The following PCDHGA9 variants were observed in gnomAD, a reference collection of about 807,000 sequenced individuals.
PCDHGA9 encodes the protein protocadherin gamma-A9.
A neutral mutation model predicts 62.5 loss-of-function variants in PCDHGA9; 37 were observed. The ratio of observed to expected loss-of-function variants is 0.59; its 90% confidence interval spans 0.46 to 0.78. The LOEUF is 0.78. PCDHGA9 is among the 30% of genes least tolerant of loss of function. The pLI, the probability that PCDHGA9 is intolerant of heterozygous loss-of-function variation, is 0.00. For synonymous variants in PCDHGA9, 459 were observed against 484.6 expected (o/e 0.95, Z 0.69); for missense variants, 1,138 against 1,166.2 (o/e 0.98, Z 0.35).
rs1049654933 is a variant in PCDHGA9 at position 141,497,808 on chromosome 5, A to G, written c.2483+2943A>G. 2.6e-5 allele frequency among the ~76,000 whole-genome samples: 4 copies of G among 152,282 alleles called. No homozygotes were observed. The East Asian group carries it at 7.7e-4, about 29-fold the overall frequency. Reference sequence around the variant, plus strand: ...ACCTGCTTCAGCTTCCCAAAGTGCTAGAATTACAGGTGTGATCGCCCCCGG... The same window carrying G: ...ACCTGCTTCAGCTTCCCAAAGTGCTGGAATTACAGGTGTGATCGCCCCCGG... On this transcript the variant is annotated intron_variant, in intron 2 of 3. Coordinates refer to ENST00000573521, the MANE Select transcript of PCDHGA9 (RefSeq NM_018921.3).
intron 1 of PCDHGA9, chr5:141,413,463 G>A: frequency 6.2e-7 from 1 of 1,614,128 alleles, no homozygotes; most frequent in African/African-American, 1.3e-5. Flanking sequence ...GGATAGACCG[G>A]GAGGAGCTCT....
In PCDHGA9 at chr5:141,408,733, T is replaced by C. The variant is rs753545231; in HGVS notation, c.2424+3357T>C. The C allele has an allele frequency of 7.5e-6, 12 of 1,610,158 alleles. No individual in the cohort carries two copies. The South Asian group carries it at 1.3e-4, about 18-fold the overall frequency. Reference sequence around the variant, plus strand: ...ATTATAAGATAAACTCTAATCCTTATTTTTCATTAATGGTTAGAGTTAATT... The same window carrying C: ...ATTATAAGATAAACTCTAATCCTTACTTTTCATTAATGGTTAGAGTTAATT... On this transcript the variant is annotated intron_variant, in intron 1 of 3. Transcript: ENST00000573521.
At chr5:141,421,169 T>G in intron 1 of PCDHGA9, 2 of 1,340,600 alleles carry the variant, frequency 1.5e-6, no homozygotes, top group South Asian at 1.5e-5. Flanking sequence ...CATAGATACA[T>G]AAGCCGATTC....
chr5:141,443,781 CA>C (rs1227271563), intron 1 of PCDHGA9, among the ~76,000 whole-genome samples: 2 of 150,514 alleles, frequency 1.3e-5, no homozygotes, highest in African/African-American at 2.4e-5. Flanking sequence ...ACCAAAAAGA[CA>C]AAAAAAATGA....
At chr5:141,478,785 A>C in intron 1 of PCDHGA9, 1 of 1,482,486 alleles carries the variant, frequency 6.7e-7, no homozygotes, top group Non-Finnish European at 9.0e-7. Flanking sequence ...GACCTAATTC[A>C]CATCCTCAGC....
At position 141,487,688 on chromosome 5, in the gene PCDHGA9, G is replaced by A. The variant is rs376927186; in HGVS notation, c.2425-7119G>A. On this transcript the variant is annotated intron_variant, in intron 1 of 3. Coordinates refer to ENST00000573521, the MANE Select transcript of PCDHGA9 (RefSeq NM_018921.3). The surrounding 1 kb of genome is among the most constrained non-coding windows in gnomAD (Gnocchi z 5.0). ...AGGCATATGGCTAGGCCATGTCCTA[G>A]AGAGTACTGGCCTCTCAGTAAGTGC... 6.2e-7 allele frequency: 1 copy of A among 1,604,966 alleles called. No homozygotes were observed.
In PCDHGA9 at chr5:141,485,178, T is replaced by A; in HGVS notation, c.2425-9629T>A. The stretch of plus-strand genomic sequence containing the variant: ...GAGAATTAGCGGGCGGCAGCAATGC[T>A]CCGCAAGGTGAGAAGCTGGACAGAA... On this transcript the variant is annotated intron_variant, in intron 1 of 3. Transcript: ENST00000573521. This position sits in a 1 kb window ranked among gnomAD's most constrained non-coding sequence, Gnocchi z 5.7. 1.2e-6 allele frequency: 2 copies of A among 1,612,400 alleles called. No homozygotes were observed. Among genetic ancestry groups the A allele is most frequent in the Non-Finnish European group, 1.7e-6 (2 of 1,178,628 alleles).
intron 1 of PCDHGA9, among the ~76,000 whole-genome samples, chr5:141,456,778 C>T (rs568292085): frequency 3.7e-4 from 57 of 152,242 alleles, no homozygotes; most frequent in African/African-American, 1.3e-3. Flanking sequence ...GCCTGGCCTA[C>T]ATGGCAAAAC....
At chr5:141,461,740 G>A (rs770518286) in intron 1 of PCDHGA9, among the ~76,000 whole-genome samples, 4 of 152,072 alleles carry the variant, frequency 2.6e-5, no homozygotes, top group Non-Finnish European at 2.9e-5. Context: ...GCACAATCCC[G>A]GCTCCCAGAT....
At chr5:141,484,908 G>T in intron 1 of PCDHGA9, 1 of 415,428 alleles carries the variant, frequency 2.4e-6, no homozygotes, top group East Asian at 4.2e-5. Context: ...ATGCTGCGAC[G>T]CATTAACCCT....
intron 3 of PCDHGA9, among the ~76,000 whole-genome samples, chr5:141,509,338 C>T (rs2099876319): frequency 6.6e-6 from 1 of 152,188 alleles, no homozygotes; most frequent in Admixed American, 6.5e-5. Flanking sequence ...CCAGCTGGGC[C>T]TGGGCTGGCC....
chr5:141,486,452 G>T lies in PCDHGA9; in HGVS notation c.2425-8355G>T. 6.2e-7 allele frequency: 1 copy of T among 1,614,152 alleles called. No homozygotes were observed. Among genetic ancestry groups the T allele is most frequent in the Non-Finnish European group, 8.5e-7 (1 of 1,179,996 alleles). Reference sequence around the variant, plus strand: ...ATCTAGCTATGACATCATGGTCACTGCTTCTGATGCTGGGAACCCTCCTCT... The same window carrying T: ...ATCTAGCTATGACATCATGGTCACTTCTTCTGATGCTGGGAACCCTCCTCT... On this transcript the variant is annotated intron_variant, in intron 1 of 3. Coordinates refer to ENST00000573521, the MANE Select transcript of PCDHGA9 (RefSeq NM_018921.3). This position sits in a 1 kb window ranked among gnomAD's most constrained non-coding sequence, Gnocchi z 5.0.
chr5:141,510,472 G>A (rs1209464436), intron 3 of PCDHGA9, among the ~76,000 whole-genome samples: 7 of 152,102 alleles, frequency 4.6e-5, no homozygotes, highest in Non-Finnish European at 1.0e-4. Context: ...GGAGTCAGAG[G>A]CTCCCTTGAG....
rs752088903 is a variant in PCDHGA9, at chr5:141,490,784, G to A, written c.2425-4023G>A. The A allele has an allele frequency of 1.7e-5, 27 of 1,613,906 alleles. No individual in the cohort carries two copies. The highest frequency in any genetic ancestry group is 1.2e-4 in the African/African-American group (9 of 74,922). The stretch of plus-strand genomic sequence containing the variant: ...GTGTATGTCAACCCAGAGGATGGAC[G>A]GATCTTTGCCCAGCGTACCTTTGAC... On this transcript the variant is annotated intron_variant, in intron 1 of 3. Transcript: ENST00000573521. This position sits in a 1 kb window ranked among gnomAD's most constrained non-coding sequence, Gnocchi z 5.4.
chr5:141,438,254 A>G (rs916664408), intron 1 of PCDHGA9, among the ~76,000 whole-genome samples: 1 of 152,170 alleles, frequency 6.6e-6, no homozygotes, highest in Non-Finnish European at 1.5e-5. Context: ...CTGTCATTGA[A>G]GAGACCATAG....
At chr5:141,418,393 C>A in intron 1 of PCDHGA9, 1 of 1,613,984 alleles carries the variant, frequency 6.2e-7, no homozygotes, top group Non-Finnish European at 8.5e-7. Context: ...ACGAGTATTT[C>A]TCATTGGTGG....
chr5:141,494,745 G>C, intron 1 of PCDHGA9, 62 bp from the exon 2 acceptor site: 1 of 1,612,802 alleles, frequency 6.2e-7, no homozygotes, highest in Middle Eastern at 1.7e-4. Flanking sequence ...ATCCCTAGGG[G>C]CTCGGGTGAC....
intron 1 of PCDHGA9, chr5:141,413,478 T>C (rs755324008): frequency 6.2e-7 from 1 of 1,614,074 alleles, no homozygotes; most frequent in East Asian, 2.2e-5. Flanking sequence ...AGCTCTGCGC[T>C]CAGAGCGCGC....
Position 141,410,843 on chromosome 5 carries a change from CTT to C in PCDHGA9, c.2424+5469_2424+5470del, listed in dbSNP as rs1452086070. 5.3e-4 allele frequency: 115 copies of C among 216,326 alleles called. 1 individual carries two copies. In the East Asian group the frequency reaches 7.7e-3, roughly 14 times the overall value. 13.4% of individuals were successfully genotyped at this position (216,326 alleles called of 1,614,324 possible). A position where few individuals can be genotyped will look rare whatever the true frequency, so the allele number is the denominator to read the frequency against. The stretch of plus-strand genomic sequence containing the variant: ...TGTCACCAGACTGAAGATATTTTGT[CTT>C]TGTCTTTTTTTTTTTTTTTTTTTTT... On this transcript the variant is annotated intron_variant, in intron 1 of 3. Transcript: ENST00000573521.
Sources: allele counts gnomAD v4.1 joint callset (sites outside exome capture counted in the v4.1 genomes callset), GRCh38; gene constraint gnomAD v4.1.1; non-coding constraint Gnocchi (gnomAD v3.1); transcripts MANE v1.5; gene names NCBI Gene and HGNC (gene_info 2026-07-23, HGNC 2026-07-21).